WDFY4: variants seen among roughly 807,000 people sequenced by gnomAD.
The protein encoded by WDFY4 is WD repeat- and FYVE domain-containing protein 4.
WDFY4 carries 169 observed loss-of-function variants against 351.9 expected under a neutral mutation model. The ratio of observed to expected loss-of-function variants is 0.48; its 90% CI spans 0.42 to 0.55. WDFY4 has a LOEUF of 0.55. Among genes scored for constraint, WDFY4 ranks in the 20% least tolerant of loss-of-function variants. The pLI is 0.00. For synonymous variants in WDFY4, 1,622 were observed against 1,574.6 expected, an observed-to-expected ratio of 1.03 and a Z score of -0.71; for missense variants, 3,803 against 3,935.6, an observed-to-expected ratio of 0.97 and a Z score of 0.90.
intron 38 of WDFY4, among the ~76,000 whole-genome samples, chr10:48,832,361 G>T (rs1320934929): frequency 6.6e-6 from 1 of 152,224 alleles, no homozygotes; most frequent in African/African-American, 2.4e-5. Context: ...AGGAGTTTAG[G>T]CTAAGTCTGG....
chr10:48,865,696 T>C (rs2069518443), intron 39 of WDFY4, among the ~76,000 whole-genome samples: 1 of 152,240 alleles, frequency 6.6e-6, no homozygotes, highest in Non-Finnish European at 1.5e-5. Context: ...GGGCCTGGGC[T>C]GGGCTTTTCT....
At position 48,982,878 on chromosome 10, in the gene WDFY4, G is replaced by GA. The variant is rs61366126; in HGVS notation, c.*314dup. On this transcript the variant is annotated 3_prime_UTR_variant, in exon 62 of 62. Transcript: ENST00000325239. ...TCACCTTATTAAGGGCTATTGCACT[G>GA]AAAAAAAAAAAGATGGGTCGCTTAC... 228,768 of 305,788 alleles carry GA rather than the reference G, an allele frequency of 0.75. 76,631 individuals are homozygous for GA. The highest frequency in any genetic ancestry group is 0.83 in the African/African-American group (37,756 of 45,534). The allele number at this position is 305,788 out of a possible 1,614,324, so 18.9% of individuals were successfully genotyped here. A position where few individuals can be genotyped will look rare whatever the true frequency, so the allele number is the denominator to read the frequency against.
chr10:48,833,435 A>C (rs922495751), intron 39 of WDFY4, among the ~76,000 whole-genome samples: 1 of 152,096 alleles, frequency 6.6e-6, no homozygotes, highest in African/African-American at 2.4e-5. Context: ...GTTTCAAAAG[A>C]TAATGGAGAG....
intron 40 of WDFY4, among the ~76,000 whole-genome samples, chr10:48,868,875 C>A (rs2069653362): frequency 6.6e-6 from 1 of 152,094 alleles, no homozygotes; most frequent in African/African-American, 2.4e-5. Flanking sequence ...ATTATAGGTT[C>A]TTGTGGGAAG....
At position 48,817,530 on chromosome 10, in the gene WDFY4, G is replaced by A. The variant is rs572107646; in HGVS notation, c.5505+121G>A. ...TAAAATACATTTTAAGGCAACTTGA[G>A]CGGAACATTGAATAAGCAGCTTGGA... On this transcript the variant is annotated intron_variant, in intron 32 of 61. Coordinates refer to ENST00000325239, the MANE Select transcript of WDFY4 (RefSeq NM_001394531.1). 7.2e-6 allele frequency: 9 copies of A among 1,258,444 alleles called. No individual in the cohort carries two copies. The African/African-American group carries it at 1.2e-4, about 17-fold the overall frequency. The allele number at this position is 1,258,444 out of a possible 1,614,324, so 78.0% of individuals were successfully genotyped here. A position where few individuals can be genotyped will look rare whatever the true frequency, so the allele number is the denominator to read the frequency against.
At chr10:48,958,259 C>T (rs1383368103) in intron 52 of WDFY4, among the ~76,000 whole-genome samples, 1 of 152,224 alleles carries the variant, frequency 6.6e-6, no homozygotes, top group African/African-American at 2.4e-5. Flanking sequence ...ACCTATGGAA[C>T]CTGGGGACCT....
intron 13 of WDFY4, among the ~76,000 whole-genome samples, chr10:48,773,214 A>C (rs549815222): frequency 1.3e-4 from 20 of 152,302 alleles, no homozygotes; most frequent in African/African-American, 4.8e-4. Flanking sequence ...AAACTAGTTC[A>C]ACCATTGTGG....
chr10:48,794,038 C>T lies in WDFY4; in HGVS notation c.4258-2260C>T, dbSNP rs115281762. Among the ~76,000 whole-genome samples, 744 of 152,232 alleles carry T rather than the reference C, an allele frequency of 4.9e-3. 2 individuals carry two copies. The highest frequency in any genetic ancestry group is 0.016 in the African/African-American group (645 of 41,528). ...AGGAGCTGGTCTGGGTTCCTCCACA[C>T]GGCTAGGAGGAGAGGATGGTTGTGG... On this transcript the variant is annotated intron_variant, in intron 23 of 61. Coordinates refer to ENST00000325239, the MANE Select transcript of WDFY4 (RefSeq NM_001394531.1).
chr10:48,899,982 C>T (rs542126420), intron 45 of WDFY4, among the ~76,000 whole-genome samples: 3 of 152,276 alleles, frequency 2.0e-5, no homozygotes, highest in Non-Finnish European at 1.5e-5. Context: ...GTGGACCTTT[C>T]GCTTCCTGCT....
intron 10 of WDFY4, 151 bp from the exon 11 acceptor site, chr10:48,735,729 G>C (rs1347617412): frequency 1.3e-6 from 1 of 753,636 alleles, no homozygotes; most frequent in Non-Finnish European, 2.1e-6. Context: ...AGTGGGTATG[G>C]GTTACCAAAA....
At chr10:48,908,024 C>T (rs1301395658) in intron 47 of WDFY4, among the ~76,000 whole-genome samples, 2 of 152,224 alleles carry the variant, frequency 1.3e-5, no homozygotes, top group African/African-American at 4.8e-5. Flanking sequence ...GATCCCTGGC[C>T]ATTCTGCCTA....
intron 47 of WDFY4, among the ~76,000 whole-genome samples, chr10:48,904,847 A>G (rs1001084815): frequency 1.3e-5 from 2 of 152,162 alleles, no homozygotes; most frequent in Non-Finnish European, 2.9e-5. Context: ...ACCCAACTAC[A>G]TAGACCAAAT....
intron 2 of WDFY4, among the ~76,000 whole-genome samples, chr10:48,715,264 T>C (rs1027581140): frequency 1.3e-5 from 2 of 151,584 alleles, no homozygotes; most frequent in Non-Finnish European, 3.0e-5. Flanking sequence ...CCTGCCCACA[T>C]TGCAGATCCA....
chr10:48,773,830 T>G (rs189456413), intron 13 of WDFY4, among the ~76,000 whole-genome samples: 74 of 152,152 alleles, frequency 4.9e-4, no homozygotes, highest in South Asian at 2.5e-3. Flanking sequence ...CAAGGCAGAG[T>G]GTGTATGTTT....
intron 35 of WDFY4, chr10:48,823,482 C>A: frequency 8.5e-7 from 1 of 1,176,052 alleles, no homozygotes; most frequent in Non-Finnish European, 1.1e-6. Context: ...CACCCACAGA[C>A]CTCAGGACTG....
chr10:48,777,601 C>A, intron 17 of WDFY4, 106 bp downstream of exon 17: 3 of 1,145,254 alleles, frequency 2.6e-6, no homozygotes, highest in African/African-American at 1.5e-5. Context: ...AAAGTGTGAG[C>A]TGTGCTGGGC....
chr10:48,782,511 A>G (rs2066261508), intron 19 of WDFY4, among the ~76,000 whole-genome samples: 1 of 152,246 alleles, frequency 6.6e-6, no homozygotes, highest in Non-Finnish European at 1.5e-5. Context: ...GCCTAGGGCC[A>G]TCAACAGGGA....
At chr10:48,715,598 A>G (rs2063881447) in intron 2 of WDFY4, among the ~76,000 whole-genome samples, 1 of 152,154 alleles carries the variant, frequency 6.6e-6, no homozygotes, top group Non-Finnish European at 1.5e-5. Context: ...CATTAAATAC[A>G]ATAGCAAAGA....
chr10:48,803,243 T>C (rs1169558633), intron 24 of WDFY4, 43 bp from the exon 25 acceptor site: 1 of 1,541,890 alleles, frequency 6.5e-7, no homozygotes, highest in Admixed American at 2.0e-5. Context: ...ATCATTCTTC[T>C]CCCACACCTT....
Sources: allele counts gnomAD v4.1 joint callset (sites outside exome capture counted in the v4.1 genomes callset), GRCh38; gene constraint gnomAD v4.1.1; transcripts MANE v1.5; gene names NCBI Gene and HGNC (gene_info 2026-07-23, HGNC 2026-07-21).